FHIT: variants seen among roughly 807,000 people sequenced by gnomAD.
FHIT encodes the protein fragile histidine triad diadenosine triphosphatase.
FHIT carries 19 observed loss-of-function variants against 17.9 expected under a neutral mutation model. That is an observed-to-expected ratio of 1.06 (90% CI 0.74 to 1.56). FHIT has a LOEUF of 1.56. Ranked by LOEUF, FHIT falls within the 40% of genes most tolerant of loss-of-function variation. The pLI is 0.00. For synonymous variants in FHIT, 81 were observed against 69.7 expected, an observed-to-expected ratio of 1.16 and a Z score of -0.81; for missense variants, 248 against 189.2, an observed-to-expected ratio of 1.31 and a Z score of -1.82.
intron 3 of FHIT, among the ~76,000 whole-genome samples, chr3:60,923,915 T>C (rs781859418): frequency 6.6e-6 from 1 of 152,204 alleles, no homozygotes; most frequent in Admixed American, 6.5e-5. Context: ...GATTATATCC[T>C]GCACCTGGCT....
intron 2 of FHIT, among the ~76,000 whole-genome samples, chr3:61,199,373 G>A (rs1412805693): frequency 6.6e-6 from 1 of 152,082 alleles, no homozygotes; most frequent in African/African-American, 2.4e-5. Flanking sequence ...TCCAAGATGT[G>A]GCTCAATGGT....
intron 5 of FHIT, among the ~76,000 whole-genome samples, chr3:60,204,903 GGTT>G (rs1327609966): frequency 1.3e-5 from 2 of 151,832 alleles, no homozygotes; most frequent in African/African-American, 4.8e-5. Context: ...ATTAAAAGTA[GGTT>G]ATTAGTGAGA....
chr3:59,989,725 G>C (rs1709143948), intron 7 of FHIT, among the ~76,000 whole-genome samples: 1 of 152,046 alleles, frequency 6.6e-6, no homozygotes, highest in African/African-American at 2.4e-5. Flanking sequence ...GGAACGTGAA[G>C]CTTCCTCCCC....
intron 5 of FHIT, among the ~76,000 whole-genome samples, chr3:60,051,951 C>T (rs1365381770): frequency 6.6e-6 from 1 of 152,158 alleles, no homozygotes; most frequent in African/African-American, 2.4e-5. Flanking sequence ...GCAAGAATAT[C>T]TCTACAGACC....
chr3:60,879,862 A>G (rs1206083147), intron 3 of FHIT, among the ~76,000 whole-genome samples: 1 of 151,938 alleles, frequency 6.6e-6, no homozygotes, highest in Non-Finnish European at 1.5e-5. Flanking sequence ...TAAGAAAGAA[A>G]AAGAGTTTTT....
In FHIT at chr3:61,212,981, G is replaced by A. The variant is rs1451416663; in HGVS notation, c.-212-12316C>T. 2.0e-5 allele frequency among the ~76,000 whole-genome samples: 3 copies of A among 152,158 alleles called. No individual in the cohort carries two copies. In the South Asian group the frequency reaches 6.2e-4, roughly 32 times the overall value. On this transcript the variant is annotated intron_variant, in intron 1 of 9. Transcript: ENST00000492590. ...GAGAGATTTTCTCACCACCAGGCCT[G>A]CCCTAAAAGAGCTCCTGAAGGAAGC... is the stretch of plus-strand genomic sequence containing the variant.
intron 4 of FHIT, among the ~76,000 whole-genome samples, chr3:60,787,017 A>AAG (rs1700603571): frequency 6.7e-6 from 1 of 149,954 alleles, no homozygotes; most frequent in Non-Finnish European, 1.5e-5. Flanking sequence ...AAAAAAAAAA[A>AAG]CAAAACAGAA....
At chr3:60,685,820 A>T (rs1471016741) in intron 4 of FHIT, among the ~76,000 whole-genome samples, 22 of 152,322 alleles carry the variant, frequency 1.4e-4, no homozygotes, top group African/African-American at 5.3e-4. Flanking sequence ...AAATCCCATA[A>T]AAATGATGCT....
chr3:60,868,341 A>C (rs1216908061), intron 3 of FHIT, among the ~76,000 whole-genome samples: 1 of 152,130 alleles, frequency 6.6e-6, no homozygotes, highest in Admixed American at 6.6e-5. Context: ...AATTCCTTCA[A>C]AGCTATCCCA....
At position 60,920,286 on chromosome 3, in the gene FHIT, A is replaced by G. The variant is rs117899509; in HGVS notation, c.-110-98275T>C. 1.4e-3 allele frequency among the ~76,000 whole-genome samples: 214 copies of G among 152,290 alleles called. 1 individual carries two copies. The East Asian group carries it at 0.033, about 23-fold the overall frequency. Reference sequence around the variant, plus strand: ...GGTCATGTGAGCTGCCAAAATAGTGAAGAGAAATTTATGAGAGAAAAGCTT... The same window carrying G: ...GGTCATGTGAGCTGCCAAAATAGTGGAGAGAAATTTATGAGAGAAAAGCTT... On this transcript the variant is annotated intron_variant, in intron 3 of 9. Transcript: ENST00000492590.
At chr3:60,837,360 T>A (rs1163554496) in intron 3 of FHIT, among the ~76,000 whole-genome samples, 1 of 152,176 alleles carries the variant, frequency 6.6e-6, no homozygotes, top group Non-Finnish European at 1.5e-5. Context: ...TTGTGTCTTT[T>A]CTCTTTTCTT....
chr3:60,244,256 T>C (rs187184037), intron 5 of FHIT, among the ~76,000 whole-genome samples: 5 of 152,152 alleles, frequency 3.3e-5, no homozygotes, highest in Admixed American at 2.0e-4. Context: ...GGAAAGGGAA[T>C]TGTCTATAGG....
intron 7 of FHIT, among the ~76,000 whole-genome samples, chr3:59,973,859 AC>A (rs1365886771): frequency 6.6e-6 from 1 of 152,136 alleles, no homozygotes; most frequent in Non-Finnish European, 1.5e-5. Flanking sequence ...CAATGAAAAT[AC>A]AGGTATAATG....
At chr3:60,263,834 C>T (rs1706428963) in intron 5 of FHIT, among the ~76,000 whole-genome samples, 1 of 151,308 alleles carries the variant, frequency 6.6e-6, no homozygotes, top group African/African-American at 2.4e-5. Context: ...ATGCATCTTT[C>T]AACAAGTTCT....
At chr3:60,878,740 T>G (rs1704807797) in intron 3 of FHIT, among the ~76,000 whole-genome samples, 1 of 151,802 alleles carries the variant, frequency 6.6e-6, no homozygotes, top group Admixed American at 6.6e-5. Flanking sequence ...ACACGCGGTG[T>G]TTGGTTTTTT....
chr3:60,695,839 C>T (rs1330043968), intron 4 of FHIT, among the ~76,000 whole-genome samples: 1 of 152,054 alleles, frequency 6.6e-6, no homozygotes, highest in Non-Finnish European at 1.5e-5. Context: ...TAATAATAAC[C>T]ATTATGAGGG....
intron 2 of FHIT, among the ~76,000 whole-genome samples, chr3:61,122,038 A>T (rs1208379219): frequency 6.6e-6 from 1 of 152,080 alleles, no homozygotes; most frequent in Non-Finnish European, 1.5e-5. Context: ...TAACTATGAC[A>T]CTGACCAAGA....
At chr3:60,335,379 C>G (rs1034190289) in intron 5 of FHIT, among the ~76,000 whole-genome samples, 4 of 152,138 alleles carry the variant, frequency 2.6e-5, no homozygotes, top group Admixed American at 2.0e-4. Flanking sequence ...TCCCCCTTGA[C>G]CAAGGTTTTA....
intron 3 of FHIT, among the ~76,000 whole-genome samples, chr3:60,909,330 C>CTGCA (rs1329062775): frequency 6.8e-6 from 1 of 146,206 alleles, no homozygotes; most frequent in East Asian, 2.0e-4. Context: ...GATCATGCCA[C>CTGCA]TGCACTCCAG....
Sources: allele counts gnomAD v4.1 joint callset (sites outside exome capture counted in the v4.1 genomes callset), GRCh38; gene constraint gnomAD v4.1.1; transcripts MANE v1.5; gene names NCBI Gene and HGNC (gene_info 2026-07-23, HGNC 2026-07-21).